The following RAB36 variants were observed in gnomAD, a reference collection of about 807,000 sequenced individuals.
RAB36 encodes ras-related protein Rab-36.
Under a neutral mutation model 39.3 loss-of-function variants are expected in RAB36, and 33 were observed. The observed-to-expected ratio is 0.84, with a 90% CI of 0.64 to 1.12. The LOEUF (loss-of-function observed/expected upper bound fraction) is 1.12. Ranked by LOEUF, RAB36 falls within the 50% of genes most tolerant of loss-of-function variation. RAB36 has a pLI of 0.00. For missense variants in RAB36, 308 were observed against 355.3 expected (o/e 0.87, Z 1.07); for synonymous variants, 133 against 140.2 (o/e 0.95, Z 0.36).
downstream of RAB36, among the ~76,000 whole-genome samples, chr22:23,166,147 TAAAAAAAAAAAAAA>T (rs695297): frequency 1.8e-4 from 11 of 59,888 alleles, no homozygotes; most frequent in African/African-American, 6.4e-4. Context: ...CTCTGTCTTT[TAAAAAAAAAAAAAA>T]AAAAAAAAAA....
At chr22:23,158,844 C>T (rs1019810802) in intron 7 of RAB36, 54 bp from the exon 8 acceptor site, 2 of 1,535,818 alleles carry the variant, frequency 1.3e-6, no homozygotes, top group East Asian at 2.3e-5. Flanking sequence ...CCTCTGCCCC[C>T]TGTTTGGGGT....
intron 3 of RAB36, 151 bp downstream of exon 3, chr22:23,150,305 T>G: frequency 5.8e-6 from 1 of 171,022 alleles, no homozygotes; most frequent in Non-Finnish European, 1.2e-5. Flanking sequence ...TTTTTTTTTC[T>G]TTTTTTTTTT....
chr22:23,161,321 G>A (rs1197609921), intron 10 of RAB36, among the ~76,000 whole-genome samples, 179 bp from the exon 11 acceptor site: 1 of 152,174 alleles, frequency 6.6e-6, no homozygotes, highest in East Asian at 1.9e-4. Context: ...CTGCACCTTT[G>A]CCCTCTCTGT....
intron 5 of RAB36, among the ~76,000 whole-genome samples, 183 bp downstream of exon 5, chr22:23,153,317 A>C (rs1425144017): frequency 6.6e-6 from 1 of 152,008 alleles, no homozygotes; most frequent in Non-Finnish European, 1.5e-5. Flanking sequence ...GTCAGTCCCA[A>C]AGTTGTCTCA....
Position 23,145,497 on chromosome 22 carries a change from C to T in RAB36, c.-67C>T, listed in dbSNP as rs1265293527. On this transcript the variant is annotated 5_prime_UTR_variant, in exon 1 of 11. Coordinates refer to ENST00000263116, the MANE Select transcript of RAB36 (RefSeq NM_004914.5). ...CTCTCGTTGCCATGGTGATCGCCGC[C>T]GCTGGCTCAGGCGGACCAGGCCGCG... The T allele has an allele frequency of 1.7e-5, 28 of 1,607,484 alleles. No homozygotes were observed. Among genetic ancestry groups the T allele is most frequent in the Non-Finnish European group, 2.4e-5 (28 of 1,179,768 alleles).
Position 23,163,108 on chromosome 22 carries a change from T to G in RAB36, c.*1544T>G, listed in dbSNP as rs980652533. ...GTATTTTTAGTAGAGATGGGGTTTCTCCATGTTGGTCAGGCTGCTCTCGGA... is the reference window on the plus strand; with the variant it reads ...GTATTTTTAGTAGAGATGGGGTTTCGCCATGTTGGTCAGGCTGCTCTCGGA... On this transcript the variant is annotated 3_prime_UTR_variant, in exon 11 of 11. Transcript: ENST00000263116. 9 of 209,722 alleles carry G rather than the reference T, an allele frequency of 4.3e-5. No individual in the cohort carries two copies. Among genetic ancestry groups the G allele is most frequent in the Non-Finnish European group, 8.7e-5 (9 of 103,630 alleles). The allele number at this position is 209,722 out of a possible 1,614,324, so 13.0% of individuals were successfully genotyped here. A position where few individuals can be genotyped will look rare whatever the true frequency, so the allele number is the denominator to read the frequency against.
intron 9 of RAB36, 74 bp from the exon 10 acceptor site, chr22:23,160,805 G>A: frequency 6.4e-7 from 1 of 1,559,026 alleles, no homozygotes; most frequent in Non-Finnish European, 8.7e-7. Context: ...AGGCTAGCCT[G>A]GCTTTCACAC....
At chr22:23,160,806 G>C in intron 9 of RAB36, 73 bp from the exon 10 acceptor site, 2 of 1,559,616 alleles carry the variant, frequency 1.3e-6, no homozygotes, top group Non-Finnish European at 1.7e-6. Context: ...GGCTAGCCTG[G>C]CTTTCACACC....
At chr22:23,150,922 C>G (rs946530093) in intron 3 of RAB36, among the ~76,000 whole-genome samples, 1 of 152,206 alleles carries the variant, frequency 6.6e-6, no homozygotes, top group Non-Finnish European at 1.5e-5. Flanking sequence ...TAGACCTAGC[C>G]CAAGAGGGCG....
Position 23,164,646 on chromosome 22 carries a change from C to A in RAB36, c.*3082C>A, listed in dbSNP as rs2071993439. ...GTCTGGTCTTGTGGGCCCAGGCAAG[C>A]AGCCCCCTGCAGCCAAGGTGCGGCA... is the stretch of plus-strand genomic sequence containing the variant. On this transcript the variant is annotated 3_prime_UTR_variant, in exon 11 of 11. Transcript: ENST00000263116. Among the ~76,000 whole-genome samples the A allele has an allele frequency of 6.6e-6, 1 of 152,248 alleles. No homozygotes were observed. Among genetic ancestry groups the A allele is most frequent in the Non-Finnish European group, 1.5e-5 (1 of 68,046 alleles).
intron 7 of RAB36, among the ~76,000 whole-genome samples, chr22:23,158,510 C>G (rs1439233629): frequency 6.6e-6 from 1 of 152,232 alleles, no homozygotes; most frequent in East Asian, 1.9e-4. Flanking sequence ...AATCGGCCAG[C>G]TACTAGAGCA....
chr22:23,146,109 G>C (rs2070755988), intron 1 of RAB36: 1 of 781,054 alleles, frequency 1.3e-6, no homozygotes, highest in Admixed American at 6.3e-5. Flanking sequence ...AGGCAGGGTG[G>C]GGCAGGCCTG....
intron 6 of RAB36, 58 bp from the exon 7 acceptor site, chr22:23,157,934 G>GC: frequency 6.2e-7 from 1 of 1,609,874 alleles, no homozygotes; most frequent in Non-Finnish European, 8.5e-7. Flanking sequence ...CTCCTGGGGA[G>GC]CCCCCTTGCT....
At chr22:23,165,819 G>A (rs2072035812), downstream of RAB36, among the ~76,000 whole-genome samples, 3 of 152,118 alleles carry the variant, frequency 2.0e-5, no homozygotes, top group South Asian at 6.2e-4. Context: ...GGCAGCTTGG[G>A]CTTCCTCACA....
chr22:23,145,689 G>C (rs774382787), intron 1 of RAB36, 138 bp downstream of exon 1: 1 of 1,086,082 alleles, frequency 9.2e-7, no homozygotes, highest in Admixed American at 2.8e-5. Context: ...CTGCGGCCCC[G>C]GGGCGTCCTC....
At chr22:23,161,427 G>A in intron 10 of RAB36, 73 bp from the exon 11 acceptor site, 2 of 1,323,604 alleles carry the variant, frequency 1.5e-6, no homozygotes, top group South Asian at 1.2e-5. Context: ...TGACTGTCAG[G>A]GCCGGCATCC....
At chr22:23,165,697 T>C (rs903561944), downstream of RAB36, among the ~76,000 whole-genome samples, 8 of 152,242 alleles carry the variant, frequency 5.3e-5, no homozygotes, top group Admixed American at 5.2e-4. Flanking sequence ...TTCCGCTCCC[T>C]GCTTGGTAGC....
intron 2 of RAB36, among the ~76,000 whole-genome samples, chr22:23,148,074 T>C (rs944786765): frequency 6.6e-6 from 1 of 152,094 alleles, no homozygotes; most frequent in African/African-American, 2.4e-5. Context: ...CTTTTTTGCA[T>C]CTTGGATTCT....
At position 23,160,926 on chromosome 22, in the gene RAB36, G is replaced by A. The variant is rs145390018; in HGVS notation, c.667G>A (p.Glu223Lys). 1.7e-5 allele frequency: 28 copies of A among 1,613,788 alleles called. No individual in the cohort carries two copies. Among genetic ancestry groups the A allele is most frequent in the Non-Finnish European group, 2.1e-5 (25 of 1,179,946 alleles). ...FFSRVAALAFEQSVLQDLERQ... is the reference protein window; with the variant it reads ...FFSRVAALAFKQSVLQDLERQ... Reference sequence around the variant, plus strand: ...CAGCCGCGTAGCCGCCCTGGCATTCGAGCAGTCGGTGCTGCAGGACCTGGA... The same window carrying A: ...CAGCCGCGTAGCCGCCCTGGCATTCAAGCAGTCGGTGCTGCAGGACCTGGA... The change falls in exon 10 of 11, where the codon GAG (glutamate) becomes AAG (lysine). Residue 223 changes from glutamate to lysine, a missense_variant. Transcript: ENST00000263116.
Sources: allele counts gnomAD v4.1 joint callset (sites outside exome capture counted in the v4.1 genomes callset), GRCh38; gene constraint gnomAD v4.1.1; transcripts MANE v1.5; gene names NCBI Gene and HGNC (gene_info 2026-07-23, HGNC 2026-07-21).